Variants in CMSS1 observed in about 807,000 individuals in gnomAD.
CMSS1 encodes protein CMSS1.
In CMSS1, 33 loss-of-function variants were observed where a neutral mutation model predicts 43.5. The ratio of observed to expected loss-of-function variants is 0.76; its 90% CI spans 0.57 to 1.01. The LOEUF is 1.01. Ranked by LOEUF, CMSS1 falls within the 50% of genes least tolerant of loss-of-function variation. The pLI is 0.00. For missense variants in CMSS1, 313 were observed against 326.4 expected, an observed-to-expected ratio of 0.96 and a Z score of 0.32; for synonymous variants, 115 against 117.2, an observed-to-expected ratio of 0.98 and a Z score of 0.12.
At chr3:99,832,091 G>A (rs1942688566) in intron 1 of CMSS1, among the ~76,000 whole-genome samples, 1 of 152,078 alleles carries the variant, frequency 6.6e-6, no homozygotes, top group Non-Finnish European at 1.5e-5. Context: ...AAGGTTACTG[G>A]GCTCCTACTT....
intron 1 of CMSS1, among the ~76,000 whole-genome samples, chr3:99,864,152 T>G (rs1944397710): frequency 6.6e-6 from 1 of 152,222 alleles, no homozygotes; most frequent in Admixed American, 6.5e-5. Context: ...ATTATTTGAC[T>G]TATAACAACA....
intron 1 of CMSS1, among the ~76,000 whole-genome samples, chr3:99,891,570 G>T (rs1233084865): frequency 5.3e-5 from 8 of 151,376 alleles, no homozygotes; most frequent in Admixed American, 1.3e-4. Flanking sequence ...GATTTTTTGG[G>T]TTTTTTTTGT....
At chr3:99,828,428 G>A (rs1025515026) in intron 1 of CMSS1, among the ~76,000 whole-genome samples, 1 of 110,000 alleles carries the variant, frequency 9.1e-6, no homozygotes, top group Non-Finnish European at 2.0e-5. Context: ...TTTTTTTGAT[G>A]TTAGAGCTTC....
rs2067172775 is a variant in CMSS1, at chr3:100,179,617, G to A, written c.*1229G>A. On this transcript the variant is annotated 3_prime_UTR_variant, in exon 10 of 10. Transcript: ENST00000421999. Reference sequence around the variant, plus strand: ...AAGGAGTGGGCTCCCAAGGCCTTAGGCAGCTCTGCCCCTGTGGCTCTGCAG... The same window carrying A: ...AAGGAGTGGGCTCCCAAGGCCTTAGACAGCTCTGCCCCTGTGGCTCTGCAG... The A allele has an allele frequency of 6.6e-6, 1 of 152,294 alleles. No individual in the cohort carries two copies. The highest frequency in any genetic ancestry group is 6.5e-5 in the Admixed American group (1 of 15,278). The allele number at this position is 152,294 out of a possible 1,614,324, so 9.4% of individuals were successfully genotyped here. A position where few individuals can be genotyped will look rare whatever the true frequency, so the allele number is the denominator to read the frequency against.
chr3:100,102,083 G>C (rs1195628658), intron 1 of CMSS1, among the ~76,000 whole-genome samples: 1 of 152,118 alleles, frequency 6.6e-6, no homozygotes, highest in Non-Finnish European at 1.5e-5. Context: ...ATAAACATAC[G>C]TGTGCATGTG....
chr3:100,001,549 C>T (rs995507228), intron 1 of CMSS1, among the ~76,000 whole-genome samples: 4 of 152,094 alleles, frequency 2.6e-5, no homozygotes, highest in African/African-American at 9.7e-5. Context: ...TATCTGATTG[C>T]TTTTCGTAGG....
chr3:99,976,471 TACTAGTAGG>T (rs1210482574), intron 1 of CMSS1, among the ~76,000 whole-genome samples: 1 of 152,204 alleles, frequency 6.6e-6, no homozygotes, highest in Non-Finnish European at 1.5e-5. Context: ...GCCAAACTAC[TACTAGTAGG>T]ACCCATGGTG....
At chr3:100,084,034 A>T (rs2065970006) in intron 1 of CMSS1, among the ~76,000 whole-genome samples, 1 of 152,154 alleles carries the variant, frequency 6.6e-6, no homozygotes, top group African/African-American at 2.4e-5. Flanking sequence ...TCCTTTCATA[A>T]AATAATAATA....
intron 1 of CMSS1, among the ~76,000 whole-genome samples, chr3:100,062,185 C>A (rs550517771): frequency 3.6e-4 from 49 of 136,884 alleles, no homozygotes; most frequent in African/African-American, 1.4e-3. Context: ...GATCTTGGCT[C>A]ACTGCAAGCT....
intron 1 of CMSS1, among the ~76,000 whole-genome samples, chr3:99,947,901 G>A (rs1708056776): frequency 6.6e-6 from 1 of 152,002 alleles, no homozygotes; most frequent in African/African-American, 2.4e-5. Context: ...TTCCTTTCAT[G>A]GAGGAAGCTG....
At chr3:100,135,937 C>T (rs1186032075) in intron 1 of CMSS1, among the ~76,000 whole-genome samples, 1 of 151,984 alleles carries the variant, frequency 6.6e-6, no homozygotes, top group African/African-American at 2.4e-5. Context: ...TCTGTGGGAA[C>T]AGAAAACTTT....
intron 1 of CMSS1, among the ~76,000 whole-genome samples, chr3:100,129,014 T>G (rs993867924): frequency 6.6e-6 from 1 of 152,218 alleles, no homozygotes; most frequent in African/African-American, 2.4e-5. Context: ...TGTACAGATT[T>G]GTGTGGGTGC....
chr3:100,009,003 G>A (rs1203976709), intron 1 of CMSS1, among the ~76,000 whole-genome samples: 1 of 152,144 alleles, frequency 6.6e-6, no homozygotes, highest in African/African-American at 2.4e-5. Context: ...GATAGTTTTA[G>A]CCTCAACATC....
At chr3:99,969,334 AT>A (rs1708747419) in intron 1 of CMSS1, among the ~76,000 whole-genome samples, 1 of 152,234 alleles carries the variant, frequency 6.6e-6, no homozygotes, top group African/African-American at 2.4e-5. Context: ...GTTTGGTAAC[AT>A]TGCTTAGTAA....
chr3:99,889,670 A>G (rs1706022125), intron 1 of CMSS1, among the ~76,000 whole-genome samples: 1 of 151,254 alleles, frequency 6.6e-6, no homozygotes, highest in Non-Finnish European at 1.5e-5. Context: ...TTTTATTTTT[A>G]TCTATTTCCT....
intron 1 of CMSS1, among the ~76,000 whole-genome samples, chr3:99,828,716 A>G (rs1269335292): frequency 3.3e-5 from 5 of 150,756 alleles, no homozygotes; most frequent in Non-Finnish European, 5.9e-5. Flanking sequence ...TCAGCCTCCC[A>G]AAGTGCTGGG....
At chr3:99,910,887 TTA>T (rs1350787814) in intron 1 of CMSS1, among the ~76,000 whole-genome samples, 2 of 152,142 alleles carry the variant, frequency 1.3e-5, no homozygotes, top group African/African-American at 4.8e-5. Flanking sequence ...CCAAAGGCAG[TTA>T]TATTCTCTAA....
intron 1 of CMSS1, among the ~76,000 whole-genome samples, chr3:99,844,834 G>A (rs946123090): frequency 2.6e-5 from 4 of 152,168 alleles, no homozygotes; most frequent in African/African-American, 9.7e-5. Context: ...AAAAGTGGCA[G>A]TTTCCCCTGT....
intron 1 of CMSS1, among the ~76,000 whole-genome samples, chr3:100,098,694 G>A (rs1576057792): frequency 1.3e-5 from 2 of 152,296 alleles, no homozygotes; most frequent in South Asian, 4.1e-4. Context: ...GTGTAGCATA[G>A]CAGTGCCTTC....
Sources: allele counts gnomAD v4.1 joint callset (sites outside exome capture counted in the v4.1 genomes callset), GRCh38; gene constraint gnomAD v4.1.1; transcripts MANE v1.5; gene names NCBI Gene and HGNC (gene_info 2026-07-23, HGNC 2026-07-21).